PKNOX1: variants seen among roughly 807,000 people sequenced by gnomAD.
PKNOX1 encodes homeobox protein PKNOX1.
A neutral mutation model predicts 51.9 loss-of-function variants in PKNOX1; 15 were observed. That is an observed-to-expected ratio of 0.29 (90% confidence interval 0.19 to 0.45). The LOEUF (loss-of-function observed/expected upper bound fraction) is 0.45. Ranked by LOEUF, PKNOX1 falls within the 20% of genes least tolerant of loss-of-function variation. PKNOX1 has a pLI of 1.00. For missense variants in PKNOX1, 462 were observed against 547.5 expected (o/e 0.84, Z 1.56); for synonymous variants, 219 against 211.1 (o/e 1.04, Z -0.32).
chr21:43,001,552 C>T (rs995949438), intron 1 of PKNOX1, among the ~76,000 whole-genome samples: 4 of 152,204 alleles, frequency 2.6e-5, no homozygotes, highest in Non-Finnish European at 5.9e-5. Context: ...AGTTCTTCAT[C>T]CTGTGCTGTG....
intron 1 of PKNOX1, among the ~76,000 whole-genome samples, chr21:42,978,773 C>G (rs1027811572): frequency 6.6e-6 from 1 of 151,746 alleles, no homozygotes; most frequent in Non-Finnish European, 1.5e-5. Flanking sequence ...CATGAGCCAC[C>G]GCACCCAGCC....
At position 43,030,472 on chromosome 21, in the gene PKNOX1, G is replaced by A. The variant is rs1980215022; in HGVS notation, c.*371G>A. 6.2e-6 allele frequency: 1 copy of A among 161,374 alleles called. No individual in the cohort carries two copies. The highest frequency in any genetic ancestry group is 2.4e-5 in the African/African-American group (1 of 41,726). The allele number at this position is 161,374 out of a possible 1,614,324, so 10.0% of individuals were successfully genotyped here. A position where few individuals can be genotyped will look rare whatever the true frequency, so the allele number is the denominator to read the frequency against. On this transcript the variant is annotated 3_prime_UTR_variant, in exon 11 of 11. Transcript: ENST00000291547. ...AGTTCTGTGGTTCCAGCAGATCTCA[G>A]TGGGCTGGTTGATTTGTGTGGCCCA...
chr21:43,018,077 TGG>T, intron 6 of PKNOX1, 54 bp from the exon 7 acceptor site: 1 of 539,616 alleles, frequency 1.9e-6, no homozygotes, highest in South Asian at 2.4e-5. Context: ...AAAAGAAGAA[TGG>T]TTTAAATCAT....
chr21:42,998,426 A>G (rs970742145), intron 1 of PKNOX1, among the ~76,000 whole-genome samples: 1 of 152,122 alleles, frequency 6.6e-6, no homozygotes, highest in Non-Finnish European at 1.5e-5. Context: ...TCTCATAATC[A>G]TGTTTCAAAA....
chr21:43,007,002 T>G (rs1304109615), intron 2 of PKNOX1, among the ~76,000 whole-genome samples: 2 of 152,242 alleles, frequency 1.3e-5, no homozygotes, highest in Non-Finnish European at 2.9e-5. Flanking sequence ...CCTTTTCCTT[T>G]CTGAATGCAG....
intron 1 of PKNOX1, among the ~76,000 whole-genome samples, chr21:42,989,379 A>T (rs2059074181): frequency 6.6e-6 from 1 of 151,688 alleles, no homozygotes; most frequent in Non-Finnish European, 1.5e-5. Context: ...TTGCTTAGAG[A>T]TGTATTTTAC....
intron 1 of PKNOX1, among the ~76,000 whole-genome samples, chr21:42,990,937 C>T (rs2146239778): frequency 6.6e-6 from 1 of 152,236 alleles, no homozygotes; most frequent in South Asian, 2.1e-4. Context: ...ACATGAGGGT[C>T]TTACCACCTG....
chr21:43,016,945 A>G lies in PKNOX1; in HGVS notation c.560A>G (p.Gln187Arg). Residue 187 changes from glutamine to arginine, a missense_variant, in exon 6 of 11, where the codon CAG becomes CGG. Gln to Arg is a conservative substitution (Grantham distance 43). Transcript: ENST00000291547. Reference protein sequence around the residue: ...QSAITGTISPQGIVVPASALQ... With the variant: ...QSAITGTISPRGIVVPASALQ... Reference sequence around the variant, plus strand: ...GCCATCACAGGCACCATCAGCCCTCAGGGAATTGTGGTGCCGGCGTCCGCG... The same window carrying G: ...GCCATCACAGGCACCATCAGCCCTCGGGGAATTGTGGTGCCGGCGTCCGCG... The G allele has an allele frequency of 1.9e-6, 3 of 1,612,864 alleles. No individual in the cohort carries two copies. The highest frequency in any genetic ancestry group is 2.5e-6 in the Non-Finnish European group (3 of 1,179,434).
intron 8 of PKNOX1, chr21:43,024,518 G>A (rs1319419826): frequency 1.5e-5 from 3 of 196,182 alleles, no homozygotes; most frequent in East Asian, 1.3e-4. Flanking sequence ...ATAAGTTAAA[G>A]TTCAATAAAG....
rs769783950 is a variant in PKNOX1, at chr21:43,028,861, C to T, written c.1086C>T (p.Leu362=). The T allele has an allele frequency of 2.5e-6, 4 of 1,614,068 alleles. No individual in the cohort carries two copies. The highest frequency in any genetic ancestry group is 1.7e-5 in the Admixed American group (1 of 60,014). The change falls in exon 10 of 11, where the codon CTC becomes CTT. Residue 362 remains leucine (L), a synonymous_variant. Coordinates refer to ENST00000291547, the MANE Select transcript of PKNOX1 (RefSeq NM_004571.5). ...SGVAQPPPSE[L]TMSEGAVVTI... ...TCGCACAGCCACCGCCGAGCGAGCTCACCATGTCGGAAGGTACAGGTGGCC... is the reference window on the plus strand; with the variant it reads ...TCGCACAGCCACCGCCGAGCGAGCTTACCATGTCGGAAGGTACAGGTGGCC...
chr21:43,018,262 G>C (rs1157181710), intron 7 of PKNOX1, 32 bp downstream of exon 7: 1 of 1,430,178 alleles, frequency 7.0e-7, no homozygotes, highest in Non-Finnish European at 9.9e-7. Flanking sequence ...AGGCTTTGGG[G>C]GCGAGTGCTG....
chr21:43,032,758 C>G lies in PKNOX1; in HGVS notation c.*2657C>G, dbSNP rs2839628. 42,351 of 152,252 alleles carry G rather than the reference C, an allele frequency of 0.28. 6,611 individuals carry two copies. The highest frequency in any genetic ancestry group is 0.51 in the East Asian group (2,635 of 5,166). 9.4% of individuals were successfully genotyped at this position (152,252 alleles called of 1,614,324 possible). On this transcript the variant is annotated 3_prime_UTR_variant, in exon 11 of 11. Coordinates refer to ENST00000291547, the MANE Select transcript of PKNOX1 (RefSeq NM_004571.5). ...TTTCTTCAACTTTCCTAAATTCTTA[C>G]TAAATTCAGAGGAATAGGATAAAGA...
chr21:42,996,358 G>T (rs1387657365), intron 1 of PKNOX1, among the ~76,000 whole-genome samples: 1 of 152,120 alleles, frequency 6.6e-6, no homozygotes, highest in Non-Finnish European at 1.5e-5. Flanking sequence ...GGTGCAGGGG[G>T]TTCTGGCTGA....
At chr21:43,001,062 G>T (rs1344034732) in intron 1 of PKNOX1, among the ~76,000 whole-genome samples, 1 of 152,186 alleles carries the variant, frequency 6.6e-6, no homozygotes, top group East Asian at 1.9e-4. Context: ...GGAAAGCAGA[G>T]ATTTGGAGGA....
At chr21:42,984,567 C>T (rs550098732) in intron 1 of PKNOX1, among the ~76,000 whole-genome samples, 1 of 151,784 alleles carries the variant, frequency 6.6e-6, no homozygotes, top group Admixed American at 6.6e-5. Flanking sequence ...TTTGTATTTT[C>T]AGTAGAGACA....
chr21:43,026,239 C>T (rs1301980862), intron 9 of PKNOX1, among the ~76,000 whole-genome samples: 1 of 152,104 alleles, frequency 6.6e-6, no homozygotes, highest in Non-Finnish European at 1.5e-5. Context: ...AACGAATTGT[C>T]TTATCTAGGT....
intron 1 of PKNOX1, among the ~76,000 whole-genome samples, chr21:42,987,396 A>T (rs1484076814): frequency 3.5e-4 from 33 of 94,050 alleles, no homozygotes; most frequent in African/African-American, 1.4e-3. Flanking sequence ...AAAAAAAAAA[A>T]AAAAAAAAAT....
At chr21:43,011,981 T>TG (rs1276162217) in intron 4 of PKNOX1, among the ~76,000 whole-genome samples, 1 of 152,170 alleles carries the variant, frequency 6.6e-6, no homozygotes, top group Non-Finnish European at 1.5e-5. Flanking sequence ...AGGTGTCCTC[T>TG]GCACCCCACT....
In PKNOX1 at chr21:43,018,044, C is replaced by T. The variant is rs572324501; in HGVS notation, c.623-89C>T. 84 of 377,918 alleles carry T rather than the reference C, an allele frequency of 2.2e-4. No homozygotes were observed. The African/African-American group carries it at 4.4e-3, about 20-fold the overall frequency. 23.4% of individuals were successfully genotyped at this position (377,918 alleles called of 1,614,324 possible). On this transcript the variant is annotated intron_variant, in intron 6 of 10. Coordinates refer to ENST00000291547, the MANE Select transcript of PKNOX1 (RefSeq NM_004571.5). ...GGGCAACAAAGCAATGTCCCTGTCT[C>T]TACAAAAAAAAAAAAAAAAAAAAAA...
Sources: gnomAD v4.1 joint callset for allele counts (sites outside exome capture counted in the v4.1 genomes callset) on GRCh38, gnomAD v4.1.1 for gene constraint, MANE v1.5 for transcripts, NCBI Gene and HGNC (gene_info 2026-07-23, HGNC 2026-07-21) for gene names.